LTBP2: variants seen among roughly 807,000 people sequenced by gnomAD.
The protein encoded by LTBP2 is latent-transforming growth factor beta-binding protein 2.
In LTBP2, 103 loss-of-function variants were observed where a neutral mutation model predicts 210.6. That is an observed-to-expected ratio of 0.49 (90% CI 0.42 to 0.58). The LOEUF (loss-of-function observed/expected upper bound fraction) is 0.58. Ranked by LOEUF, LTBP2 falls within the 20% of genes least tolerant of loss-of-function variation. The pLI, the probability that LTBP2 is intolerant of heterozygous loss-of-function variation, is 0.00. For missense variants in LTBP2, 2,313 were observed against 2,494.5 expected (o/e 0.93, Z 1.55); for synonymous variants, 1,007 against 1,015.0 (o/e 0.99, Z 0.15).
At chr14:74,517,000 C>T (rs375336650) in intron 17 of LTBP2, 59 bp from the exon 18 acceptor site, 24 of 1,541,220 alleles carry the variant, frequency 1.6e-5, no homozygotes, top group East Asian at 4.9e-5. Context: ...GTGGAGGGGG[C>T]GGGGTCCTGG....
At chr14:74,547,484 G>A (rs1436814763) in intron 8 of LTBP2, among the ~76,000 whole-genome samples, 2 of 152,150 alleles carry the variant, frequency 1.3e-5, no homozygotes, top group African/African-American at 2.4e-5. Flanking sequence ...CTGTTTCTCA[G>A]CTGCACCACT....
intron 3 of LTBP2, among the ~76,000 whole-genome samples, chr14:74,566,070 GT>G (rs74822677): frequency 3.5e-4 from 52 of 148,098 alleles, no homozygotes; most frequent in South Asian, 8.7e-4. Context: ...CTATAGCTGG[GT>G]TTTTTTTTTT....
At chr14:74,564,912 A>G (rs901141264) in intron 3 of LTBP2, among the ~76,000 whole-genome samples, 2 of 152,158 alleles carry the variant, frequency 1.3e-5, no homozygotes, top group African/African-American at 4.8e-5. Context: ...TTCATCCTAA[A>G]TCTACCATTA....
intron 14 of LTBP2, 114 bp from the exon 15 acceptor site, chr14:74,525,339 C>A: frequency 2.2e-6 from 1 of 457,540 alleles, no homozygotes; most frequent in South Asian, 9.7e-5. Flanking sequence ...TGGGGTGGGT[C>A]ACTCCCATGC....
At chr14:74,551,019 C>T in intron 7 of LTBP2, 45 bp downstream of exon 7, 1 of 1,611,560 alleles carries the variant, frequency 6.2e-7, no homozygotes, top group Non-Finnish European at 8.5e-7. Flanking sequence ...GGGACAACTG[C>T]CATCCTGGAA....
At chr14:74,600,627 G>A (rs1242078509) in intron 2 of LTBP2, among the ~76,000 whole-genome samples, 1 of 151,944 alleles carries the variant, frequency 6.6e-6, no homozygotes, top group Non-Finnish European at 1.5e-5. Context: ...CAGACCCCTG[G>A]GGCAGCTGGG....
rs201509480 is a variant in LTBP2 at position 74,528,918 on chromosome 14, C to T, written c.2152+40G>A. ...TGGCAACATGGTCACTGGCCTTGAG[C>T]CCCTGGGCAGTGAAAGCTGGGATGG... On this transcript the variant is annotated intron_variant, in intron 11 of 35. Coordinates refer to ENST00000261978, the MANE Select transcript of LTBP2 (RefSeq NM_000428.3). 1,543 of 1,604,720 alleles carry T rather than the reference C, an allele frequency of 9.6e-4. 6 individuals carry two copies. The highest frequency in any genetic ancestry group is 3.2e-3 in the South Asian group (287 of 89,380).
intron 18 of LTBP2, among the ~76,000 whole-genome samples, chr14:74,511,900 G>A (rs1241818544): frequency 6.6e-6 from 1 of 152,210 alleles, no homozygotes; most frequent in Non-Finnish European, 1.5e-5. Flanking sequence ...AGACTGTAGG[G>A]TAGAGCTGGC....
In LTBP2 at chr14:74,552,272, A is replaced by T. The variant is rs1417423213; in HGVS notation, c.1314T>A (p.Pro438=). The T allele has an allele frequency of 6.2e-7, 1 of 1,613,162 alleles. No individual in the cohort carries two copies. The highest frequency in any genetic ancestry group is 8.5e-7 in the Non-Finnish European group (1 of 1,179,882). ...HLPIPQPDRE[P]PGRGSRPRAL... is the part of the protein sequence containing the mutation. Reference sequence around the variant, plus strand: ...CCCTGGGGCGGGACCCCCTCCCTGGAGGCTCCCTGTCCGGCTGCGGGATAG... The same window carrying T: ...CCCTGGGGCGGGACCCCCTCCCTGGTGGCTCCCTGTCCGGCTGCGGGATAG... The change falls in exon 6 of 36, where the codon CCT becomes CCA. Residue 438 remains proline (P), a synonymous_variant. Coordinates refer to ENST00000261978, the MANE Select transcript of LTBP2 (RefSeq NM_000428.3).
chr14:74,500,448 C>G lies in LTBP2; in HGVS notation c.*436G>C. 1 of 370,844 alleles carries G rather than the reference C, an allele frequency of 2.7e-6. No homozygotes were observed. Among genetic ancestry groups the G allele is most frequent in the Non-Finnish European group, 5.1e-6 (1 of 196,740 alleles). 23.0% of individuals were successfully genotyped at this position (370,844 alleles called of 1,614,324 possible). On this transcript the variant is annotated 3_prime_UTR_variant, in exon 36 of 36. Coordinates refer to ENST00000261978, the MANE Select transcript of LTBP2 (RefSeq NM_000428.3). ...CAAATCCTTTCTTGCTCCACAGATT[C>G]TGAAGGACCTCCCTAGGGCAGATGT...
intron 3 of LTBP2, among the ~76,000 whole-genome samples, chr14:74,576,307 G>T (rs1452636677): frequency 6.6e-6 from 1 of 152,198 alleles, no homozygotes; most frequent in South Asian, 2.1e-4. Context: ...CCATTCAGTG[G>T]ATATTTAGTT....
Position 74,586,091 on chromosome 14 carries a change from C to T in LTBP2, c.593G>A (p.Arg198Gln), listed in dbSNP as rs369290656. 19 of 1,600,378 alleles carry T rather than the reference C, an allele frequency of 1.2e-5. No individual in the cohort carries two copies. Among genetic ancestry groups the T allele is most frequent in the African/African-American group, 5.4e-5 (4 of 74,754 alleles). The part of the protein sequence containing the change: ...KPVCEPPCQN[R>Q]GSCSRPQLCV... ...GAGCTGCGGGCGGCTGCAGGAGCCC[C>T]GGTTCTGGCACGGCGGCTCGCAAAC... The change falls in exon 3 of 36, where the codon CGG (arginine) becomes CAG (glutamine). Residue 198 changes from arginine (R) to glutamine (Q), a missense_variant. Arg to Gln is a conservative substitution (Grantham distance 43). Coordinates refer to ENST00000261978, the MANE Select transcript of LTBP2 (RefSeq NM_000428.3). The surrounding 1 kb of genome is among the most constrained non-coding windows in gnomAD (Gnocchi z 4.6).
At chr14:74,506,577 C>T in intron 27 of LTBP2, 121 bp downstream of exon 27, 9 of 1,491,308 alleles carry the variant, frequency 6.0e-6, no homozygotes, top group Non-Finnish European at 8.3e-6. Flanking sequence ...TCTTTGAAGC[C>T]TCCCTTGCCC....
intron 18 of LTBP2, among the ~76,000 whole-genome samples, chr14:74,514,699 A>G (rs1390680085): frequency 1.3e-5 from 2 of 152,174 alleles, no homozygotes; most frequent in African/African-American, 2.4e-5. Flanking sequence ...TACGACGGAA[A>G]TGCCGTTGAG....
chr14:74,515,740 C>A (rs1457677344), intron 18 of LTBP2, among the ~76,000 whole-genome samples: 1 of 152,146 alleles, frequency 6.6e-6, no homozygotes, highest in Non-Finnish European at 1.5e-5. Flanking sequence ...TGGGTGCCAT[C>A]ATTCTCCATT....
chr14:74,601,587 G>A (rs1595302539), intron 2 of LTBP2, among the ~76,000 whole-genome samples: 1 of 152,178 alleles, frequency 6.6e-6, no homozygotes, highest in African/African-American at 2.4e-5. Context: ...GAGGTCCTAG[G>A]AGGGACCCAA....
chr14:74,506,066 G>A lies in LTBP2; in HGVS notation c.4159C>T (p.Arg1387Cys), dbSNP rs747333533. The change falls in exon 28 of 36, where the codon CGC (arginine) becomes TGC (cysteine). Residue 1387 changes from arginine to cysteine, a missense_variant. By Grantham distance (180) the Arg-to-Cys change is radical. Transcript: ENST00000261978. ...GCCTCACCTCCAGCCCCCCGTGGGC[G>A]GCAGTGCCCCTCCTGGGCATCGTAC... ...EEYDAQEGHCRPRGAGGQSMS... is the reference protein window; with the variant it reads ...EEYDAQEGHCCPRGAGGQSMS... 3.9e-5 allele frequency: 63 copies of A among 1,614,016 alleles called. No homozygotes were observed. The highest frequency in any genetic ancestry group is 4.4e-5 in the Non-Finnish European group (52 of 1,180,020).
At chr14:74,517,887 C>A (rs2087155501) in intron 17 of LTBP2, among the ~76,000 whole-genome samples, 1 of 152,256 alleles carries the variant, frequency 6.6e-6, no homozygotes, top group African/African-American at 2.4e-5. Flanking sequence ...CTGTTCGCAG[C>A]TTGGCTCACA....
At chr14:74,504,650 G>T (rs1319109824) in intron 30 of LTBP2, 128 bp downstream of exon 30, 2 of 856,138 alleles carry the variant, frequency 2.3e-6, no homozygotes, top group Non-Finnish European at 4.0e-6. Context: ...GTCAGCCCTG[G>T]GACAGAAAAG....
Sources: gnomAD v4.1 joint callset for allele counts (sites outside exome capture counted in the v4.1 genomes callset) on GRCh38, gnomAD v4.1.1 for gene constraint, Gnocchi (gnomAD v3.1) non-coding constraint, MANE v1.5 for transcripts, NCBI Gene and HGNC (gene_info 2026-07-23, HGNC 2026-07-21) for gene names.